The following AGAP1 variants were observed in gnomAD, a reference collection of about 807,000 sequenced individuals.
AGAP1 encodes arf-GAP with GTPase, ANK repeat and PH domain-containing protein 1.
Under a neutral mutation model 105.3 loss-of-function variants are expected in AGAP1, and 29 were observed. That is an observed-to-expected ratio of 0.28 (90% CI 0.21 to 0.38). AGAP1 has a LOEUF of 0.38. Ranked by LOEUF, AGAP1 falls within the 10% of genes least tolerant of loss-of-function variation. The pLI, the probability that AGAP1 is intolerant of heterozygous loss-of-function variation, is 1.00. For synonymous variants in AGAP1, 509 were observed against 485.9 expected, an observed-to-expected ratio of 1.05 and a Z score of -0.63; for missense variants, 998 against 1,165.1, an observed-to-expected ratio of 0.86 and a Z score of 2.09.
At chr2:235,666,122 C>G (rs1474690302) in intron 1 of AGAP1, among the ~76,000 whole-genome samples, 1 of 152,058 alleles carries the variant, frequency 6.6e-6, no homozygotes, top group Non-Finnish European at 1.5e-5. Context: ...TGCAGTCTTC[C>G]TCTCTCGCGC....
intron 1 of AGAP1, among the ~76,000 whole-genome samples, chr2:235,590,665 A>ATGTGCG (rs1553574080): frequency 7.8e-6 from 1 of 127,438 alleles, no homozygotes; most frequent in Non-Finnish European, 1.6e-5. Context: ...TTTTGTTTTA[A>ATGTGCG]TGTGTGTGTG....
Position 235,788,350 on chromosome 2 carries a change from C to CA in AGAP1, c.674-9405dup, listed in dbSNP as rs1469404734. 5.9e-5 allele frequency among the ~76,000 whole-genome samples: 9 copies of CA among 152,014 alleles called. No homozygotes were observed. The highest frequency in any genetic ancestry group is 1.2e-4 in the Non-Finnish European group (8 of 67,994). On this transcript the variant is annotated intron_variant, in intron 6 of 17. Transcript: ENST00000304032. The surrounding 1 kb of genome is among the most constrained non-coding windows in gnomAD (Gnocchi z 6.0). Reference sequence around the variant, plus strand: ...AGGATTTTAATTCAGGAAAGTCCACCAAAAGGATAAACAGCTAGGAGCCCA... The same window carrying CA: ...AGGATTTTAATTCAGGAAAGTCCACCAAAAAGGATAAACAGCTAGGAGCCCA...
At position 235,847,889 on chromosome 2, in the gene AGAP1, G is replaced by T. The variant is rs181924133; in HGVS notation, c.1051-35456G>T. Among the ~76,000 whole-genome samples the T allele has an allele frequency of 3.2e-3, 492 of 152,342 alleles. 2 individuals are homozygous for T. Among genetic ancestry groups the T allele is most frequent in the Middle Eastern group, 0.01 (3 of 294 alleles). ...TGTTTTACATGATGGATCTTACCAG[G>T]CGGCCTTGGAAGCCACTTCTCACAC... On this transcript the variant is annotated intron_variant, in intron 9 of 17. Coordinates refer to ENST00000304032, the MANE Select transcript of AGAP1 (RefSeq NM_001037131.3).
rs2052513108 is a variant in AGAP1, at chr2:235,927,518, A to C, written c.1325-3247A>C. Among the ~76,000 whole-genome samples, 1 of 152,056 alleles carries C rather than the reference A, an allele frequency of 6.6e-6. No homozygotes were observed. The highest frequency in any genetic ancestry group is 1.5e-5 in the Non-Finnish European group (1 of 68,000). The stretch of plus-strand genomic sequence containing the variant: ...AGGAATCTCTCCCTTCCTTTTTGGC[A>C]GTGTGATGTTTGGCCATGAGATGAA... On this transcript the variant is annotated intron_variant, in intron 11 of 17. Transcript: ENST00000304032. This position sits in a 1 kb window ranked among gnomAD's most constrained non-coding sequence, Gnocchi z 4.4.
intron 3 of AGAP1, among the ~76,000 whole-genome samples, chr2:235,731,111 A>G (rs1249699813): frequency 6.6e-6 from 1 of 152,138 alleles, no homozygotes; most frequent in African/African-American, 2.4e-5. Context: ...TCTGACATGT[A>G]ATGGGGATGG....
rs924451305 is a variant in AGAP1, at chr2:235,982,095, A to C, written c.1645+13472A>C. On this transcript the variant is annotated intron_variant, in intron 13 of 17. Coordinates refer to ENST00000304032, the MANE Select transcript of AGAP1 (RefSeq NM_001037131.3). The surrounding 1 kb of genome is among the most constrained non-coding windows in gnomAD (Gnocchi z 4.9). ...GACAGAATGCATTTTTACAGCACTTAGAAAATACCAGATCCACGAAGAACA... is the reference window on the plus strand; with the variant it reads ...GACAGAATGCATTTTTACAGCACTTCGAAAATACCAGATCCACGAAGAACA... Among the ~76,000 whole-genome samples the C allele has an allele frequency of 3.7e-4, 57 of 152,250 alleles. No homozygotes were observed. The highest frequency in any genetic ancestry group is 1.4e-3 in the African/African-American group (57 of 41,470).
chr2:235,746,606 A>G (rs1952974490), intron 5 of AGAP1, among the ~76,000 whole-genome samples: 1 of 151,844 alleles, frequency 6.6e-6, no homozygotes, highest in African/African-American at 2.4e-5. Context: ...CATCTTGAAA[A>G]TGCCTAATCG....
chr2:235,496,863 T>C (rs991486575), intron 1 of AGAP1, among the ~76,000 whole-genome samples: 1 of 152,174 alleles, frequency 6.6e-6, no homozygotes, highest in African/African-American at 2.4e-5. Context: ...CCGGGATCCT[T>C]GTCATTTTTA....
intron 11 of AGAP1, among the ~76,000 whole-genome samples, chr2:235,916,993 T>C (rs2051916557): frequency 6.6e-6 from 1 of 152,206 alleles, no homozygotes; most frequent in Non-Finnish European, 1.5e-5. Flanking sequence ...TGTCCTGTGG[T>C]CACTTTATTC....
At chr2:235,894,236 G>C (rs1408691115) in intron 10 of AGAP1, among the ~76,000 whole-genome samples, 2 of 152,222 alleles carry the variant, frequency 1.3e-5, no homozygotes, top group Non-Finnish European at 1.5e-5. Context: ...AAGACTGGCA[G>C]GAGTCAGCTC....
intron 5 of AGAP1, among the ~76,000 whole-genome samples, chr2:235,745,112 AAT>A (rs948865557): frequency 5.3e-5 from 8 of 152,230 alleles, no homozygotes; most frequent in East Asian, 3.9e-4. Context: ...CTGGAAAAAA[AAT>A]ATATATGTGT....
intron 6 of AGAP1, among the ~76,000 whole-genome samples, chr2:235,771,002 C>T (rs1955400214): frequency 1.3e-5 from 2 of 152,150 alleles, no homozygotes; most frequent in Admixed American, 1.3e-4. Flanking sequence ...GAGAAGGGTC[C>T]ACGTGGAGCA....
At position 235,900,338 on chromosome 2, in the gene AGAP1, G is replaced by C. The variant is rs1261921246; in HGVS notation, c.1156-8400G>C. On this transcript the variant is annotated intron_variant, in intron 10 of 17. Coordinates refer to ENST00000304032, the MANE Select transcript of AGAP1 (RefSeq NM_001037131.3). The surrounding 1 kb of genome is among the most constrained non-coding windows in gnomAD (Gnocchi z 5.5). ...TAGCCTGTTGACTTTGAGGTAGGAG[G>C]AGCCCAAAGTGGCCAGGTGACAATC... Among the ~76,000 whole-genome samples the C allele has an allele frequency of 1.3e-5, 2 of 151,860 alleles. No homozygotes were observed. Among genetic ancestry groups the C allele is most frequent in the East Asian group, 3.9e-4 (2 of 5,120 alleles).
rs1369029602 is a variant in AGAP1, at chr2:236,014,891, G to A, written c.1646-21670G>A. ...CACCAACACTGAAGGTAACGCCTCC[G>A]CACCTCCACCCGCCCACACCTCCAC... On this transcript the variant is annotated intron_variant, in intron 13 of 17. Coordinates refer to ENST00000304032, the MANE Select transcript of AGAP1 (RefSeq NM_001037131.3). This position sits in a 1 kb window ranked among gnomAD's most constrained non-coding sequence, Gnocchi z 6.3. The A allele has an allele frequency of 1.7e-5, 7 of 408,628 alleles. No individual in the cohort carries two copies. Among genetic ancestry groups the A allele is most frequent in the South Asian group, 3.6e-5 (2 of 55,824 alleles). The allele number at this position is 408,628 out of a possible 1,614,324, so 25.3% of individuals were successfully genotyped here.
intron 6 of AGAP1, among the ~76,000 whole-genome samples, chr2:235,764,125 C>T (rs965166248): frequency 4.6e-5 from 7 of 152,166 alleles, no homozygotes; most frequent in South Asian, 2.1e-4. Flanking sequence ...GCCATGCTTC[C>T]GTAAGCTCTT....
Position 235,670,736 on chromosome 2 carries a change from G to A in AGAP1, c.164-38443G>A, listed in dbSNP as rs1404778755. 4.5e-6 allele frequency: 4 copies of A among 880,594 alleles called. No homozygotes were observed. In the Admixed American group the frequency reaches 8.7e-5, roughly 19 times the overall value. The allele number at this position is 880,594 out of a possible 1,614,324, so 54.5% of individuals were successfully genotyped here. A position where few individuals can be genotyped will look rare whatever the true frequency, so the allele number is the denominator to read the frequency against. ...CTCGGAGAAGCGCAACACCCTGGAC[G>A]TGGGCGAGGTGCTCAGCAAGAACGA... is the stretch of plus-strand genomic sequence containing the variant. On this transcript the variant is annotated intron_variant, in intron 1 of 17. Coordinates refer to ENST00000304032, the MANE Select transcript of AGAP1 (RefSeq NM_001037131.3).
intron 9 of AGAP1, among the ~76,000 whole-genome samples, chr2:235,844,396 G>A (rs995678952): frequency 5.9e-5 from 9 of 152,178 alleles, no homozygotes; most frequent in Non-Finnish European, 1.0e-4. Context: ...TCGTGTTCCC[G>A]GATGGTCCTG....
intron 1 of AGAP1, among the ~76,000 whole-genome samples, chr2:235,673,744 T>A (rs1455006073): frequency 6.6e-6 from 1 of 152,246 alleles, no homozygotes; most frequent in Non-Finnish European, 1.5e-5. Flanking sequence ...CTGTACATTT[T>A]GGCCATAATG....
intron 16 of AGAP1, among the ~76,000 whole-genome samples, chr2:236,057,274 A>C (rs2058075853): frequency 4.0e-5 from 6 of 151,878 alleles, no homozygotes; most frequent in Admixed American, 2.6e-4. Flanking sequence ...ACACCCAATT[A>C]ATTTTTGTAT....
Sources: gnomAD v4.1 joint callset for allele counts (sites outside exome capture counted in the v4.1 genomes callset) on GRCh38, gnomAD v4.1.1 for gene constraint, Gnocchi (gnomAD v3.1) non-coding constraint, MANE v1.5 for transcripts, NCBI Gene and HGNC (gene_info 2026-07-23, HGNC 2026-07-21) for gene names.